NME8: variants seen among roughly 807,000 people sequenced by gnomAD.
The protein encoded by NME8 is NME/NM23 family member 8, also known as protein NME8.
Under a neutral mutation model 82.3 loss-of-function variants are expected in NME8, and 72 were observed. The ratio of observed to expected loss-of-function variants is 0.87; its 90% CI spans 0.72 to 1.06. The LOEUF (loss-of-function observed/expected upper bound fraction) is 1.06, where lower values mean the gene tolerates loss of function less well. NME8 is among the 50% of genes least tolerant of loss of function. The pLI, the probability that NME8 is intolerant of heterozygous loss-of-function variation, is 0.00. For synonymous variants in NME8, 267 were observed against 228.5 expected (o/e 1.17, Z -1.52); for missense variants, 712 against 685.4 (o/e 1.04, Z -0.43).
chr7:37,875,175 C>G (rs953934201), intron 11 of NME8, among the ~76,000 whole-genome samples: 2 of 152,034 alleles, frequency 1.3e-5, no homozygotes, highest in African/African-American at 4.8e-5. Context: ...GAGGTTGAGT[C>G]GCTGTTGGAG....
chr7:37,854,427 G>A (rs1467304637), intron 5 of NME8, among the ~76,000 whole-genome samples: 1 of 152,110 alleles, frequency 6.6e-6, no homozygotes, highest in Non-Finnish European at 1.5e-5. Flanking sequence ...GGAGGCAGGA[G>A]AAGCAGGCAT....
chr7:37,877,329 G>C (rs1562836121), intron 12 of NME8, among the ~76,000 whole-genome samples: 1 of 152,092 alleles, frequency 6.6e-6, no homozygotes, highest in East Asian at 1.9e-4. Context: ...CTGATAGTGT[G>C]ACTTGAACAA....
intron 14 of NME8, among the ~76,000 whole-genome samples, chr7:37,887,655 C>A (rs761722918): frequency 6.6e-6 from 1 of 152,148 alleles, no homozygotes; most frequent in East Asian, 1.9e-4. Flanking sequence ...GCATCTATAT[C>A]AGTCTGTTCT....
At chr7:37,850,948 CCAT>C (rs1464209581) in intron 5 of NME8, among the ~76,000 whole-genome samples, 5 of 152,072 alleles carry the variant, frequency 3.3e-5, no homozygotes, top group Non-Finnish European at 7.4e-5. Context: ...AGGCTATTTA[CCAT>C]GACTGTGAAA....
At chr7:37,886,898 A>G (rs959745983) in intron 14 of NME8, among the ~76,000 whole-genome samples, 1 of 152,044 alleles carries the variant, frequency 6.6e-6, no homozygotes, top group African/African-American at 2.4e-5. Context: ...AAAACCCTGA[A>G]TGAGTCATTG....
At chr7:37,864,657 T>A (rs775859437) in intron 9 of NME8, among the ~76,000 whole-genome samples, 2 of 152,160 alleles carry the variant, frequency 1.3e-5, no homozygotes, top group Non-Finnish European at 2.9e-5. Flanking sequence ...AAAATTATAG[T>A]TCTTATACTA....
Position 37,888,427 on chromosome 7 carries a change from A to G in NME8, c.1398A>G (p.Arg466=). ...LIKPHATSEQ[R]EQILKIVKEA... Reference sequence around the variant, plus strand: ...AACCTCATGCAACAAGTGAACAAAGAGGTAAATATTTAAGAATAAAAGTGA... The same window carrying G: ...AACCTCATGCAACAAGTGAACAAAGGGGTAAATATTTAAGAATAAAAGTGA... The change falls in exon 15 of 18, where the codon AGA becomes AGG. Residue 466 remains arginine (R), a splice_region_variant and synonymous_variant. Coordinates refer to ENST00000199447, the MANE Select transcript of NME8 (RefSeq NM_016616.5). The G allele has an allele frequency of 6.2e-7, 1 of 1,612,192 alleles. No individual in the cohort carries two copies. The highest frequency in any genetic ancestry group is 2.2e-5 in the East Asian group (1 of 44,796).
At chr7:37,851,795 A>T (rs371565343) in intron 5 of NME8, among the ~76,000 whole-genome samples, 1 of 152,166 alleles carries the variant, frequency 6.6e-6, no homozygotes, top group Non-Finnish European at 1.5e-5. Context: ...ATGATAACAG[A>T]TCTTTACTCC....
At chr7:37,894,040 C>A (rs1292262779) in intron 15 of NME8, among the ~76,000 whole-genome samples, 1 of 152,138 alleles carries the variant, frequency 6.6e-6, no homozygotes, top group Non-Finnish European at 1.5e-5. Context: ...GAGATTTTGA[C>A]AACATTTGCT....
At chr7:37,897,261 C>T (rs1338100658) in intron 17 of NME8, among the ~76,000 whole-genome samples, 154 bp downstream of exon 17, 4 of 152,112 alleles carry the variant, frequency 2.6e-5, no homozygotes, top group African/African-American at 9.7e-5. Context: ...ATAGTAGCCA[C>T]ACAGCCTCAA....
intron 11 of NME8, among the ~76,000 whole-genome samples, chr7:37,875,757 AC>A (rs1784838136): frequency 6.6e-6 from 1 of 152,118 alleles, no homozygotes; most frequent in Non-Finnish European, 1.5e-5. Flanking sequence ...ACAATACGGC[AC>A]CCAAAAAAAG....
At chr7:37,877,148 C>G (rs1005533093) in intron 12 of NME8, 141 bp downstream of exon 12, 1 of 687,806 alleles carries the variant, frequency 1.5e-6, no homozygotes, top group Non-Finnish European at 2.5e-6. Flanking sequence ...TATTAACTTA[C>G]TAATATCTTA....
In NME8 at chr7:37,862,072, T is replaced by G. The variant is rs2131947110; in HGVS notation, c.315T>G (p.Leu105=). 1 of 1,613,830 alleles carries G rather than the reference T, an allele frequency of 6.2e-7. No individual in the cohort carries two copies. Among genetic ancestry groups the G allele is most frequent in the Non-Finnish European group, 8.5e-7 (1 of 1,179,836 alleles). The change falls in exon 7 of 18, where the codon CTT becomes CTG. Residue 105 remains leucine, a synonymous_variant. Transcript: ENST00000199447. ...AGATTCAGGGTGCAAATGCACCGCT[T>G]GTTAATAAAAAAGTTATTAATTTGA... is the stretch of plus-strand genomic sequence containing the variant. ...IEKIQGANAP[L]VNKKVINLID...
At chr7:37,872,548 A>C (rs1227192724) in intron 11 of NME8, among the ~76,000 whole-genome samples, 4 of 152,222 alleles carry the variant, frequency 2.6e-5, no homozygotes, top group Admixed American at 6.5e-5. Flanking sequence ...AAGCCTTTCA[A>C]ACTTGAATTA....
intron 8 of NME8, among the ~76,000 whole-genome samples, chr7:37,864,132 T>C (rs1305137827): frequency 1.3e-5 from 2 of 152,198 alleles, no homozygotes; most frequent in Admixed American, 1.3e-4. Flanking sequence ...TTAAAAACTC[T>C]TGTAAATGTT....
At chr7:37,895,182 A>G (rs1387931827) in intron 16 of NME8, among the ~76,000 whole-genome samples, 1 of 152,168 alleles carries the variant, frequency 6.6e-6, no homozygotes, top group Non-Finnish European at 1.5e-5. Flanking sequence ...TACCTTGTCA[A>G]ACTATGTATA....
Position 37,884,399 on chromosome 7 carries a change from A to C in NME8, c.1091A>C (p.Glu364Ala). ...SEKEAQALCK[E>A]YENEDYFNKL... is the part of the protein sequence containing the mutation. Reference sequence around the variant, plus strand: ...AAAGAAGCACAAGCACTGTGCAAGGAATATGAAAATGAAGACTATTTTAAT... The same window carrying C: ...AAAGAAGCACAAGCACTGTGCAAGGCATATGAAAATGAAGACTATTTTAAT... Residue 364 changes from glutamate to alanine, a missense_variant, in exon 13 of 18, where the codon GAA (glutamate) becomes GCA (alanine). Glu to Ala is a moderately radical substitution (Grantham distance 107, BLOSUM62 -1). Coordinates refer to ENST00000199447, the MANE Select transcript of NME8 (RefSeq NM_016616.5). 3 of 1,610,882 alleles carry C rather than the reference A, an allele frequency of 1.9e-6. No individual in the cohort carries two copies. The highest frequency in any genetic ancestry group is 2.5e-6 in the Non-Finnish European group (3 of 1,177,128).
chr7:37,894,226 T>C (rs1785180499), intron 15 of NME8, among the ~76,000 whole-genome samples: 1 of 152,176 alleles, frequency 6.6e-6, no homozygotes, highest in Non-Finnish European at 1.5e-5. Flanking sequence ...TGTGGCCTAC[T>C]AGGTGTTTCA....
At chr7:37,871,880 T>C (rs939796343) in intron 11 of NME8, among the ~76,000 whole-genome samples, 4 of 152,072 alleles carry the variant, frequency 2.6e-5, no homozygotes, top group Admixed American at 6.6e-5. Context: ...TAAAAGTATT[T>C]CCGGGATCAG....
Sources: allele counts gnomAD v4.1 joint callset (sites outside exome capture counted in the v4.1 genomes callset), GRCh38; gene constraint gnomAD v4.1.1; transcripts MANE v1.5; gene names NCBI Gene and HGNC (gene_info 2026-07-23, HGNC 2026-07-21).